ZNF839: variants seen among roughly 807,000 people sequenced by gnomAD.
ZNF839 encodes zinc finger protein 839, also known as renal carcinoma antigen NY-REN-50.
In ZNF839, 38 loss-of-function variants were observed where a neutral mutation model predicts 56.4. The ratio of observed to expected loss-of-function variants is 0.67; its 90% CI spans 0.52 to 0.88. ZNF839 has a LOEUF of 0.88. Among genes scored for constraint, ZNF839 ranks in the 40% least tolerant of loss-of-function variants. The probability of loss-of-function intolerance (pLI) is 0.00; values close to 1 mark genes in which losing one functional copy is unlikely to be tolerated. For synonymous variants in ZNF839, 486 were observed against 493.5 expected (o/e 0.98, Z 0.20); for missense variants, 1,091 against 1,177.6 (o/e 0.93, Z 1.08).
At position 102,334,643 on chromosome 14, in the gene ZNF839, G is replaced by C; in HGVS notation, c.1506G>C (p.Met502Ile). The C allele has an allele frequency of 6.2e-7, 1 of 1,604,402 alleles. No homozygotes were observed. The highest frequency in any genetic ancestry group is 8.5e-7 in the Non-Finnish European group (1 of 1,172,202). The stretch of plus-strand genomic sequence containing the variant: ...TGACCGTGTATGAGTTTCTTCTGAT[G>C]AAGGTGAGTACTCTTAGTGTTTCTA... ...QVVTVYEFLL[M>I]KVEKDHLAKP... is the part of the protein sequence containing the mutation. The change falls in exon 4 of 8, where the codon ATG becomes ATC. Residue 502 changes from methionine to isoleucine, a missense_variant. This residue lies in a region of ZNF839 where 46 missense variants were observed against 80.4 expected (regional missense o/e 0.57). Coordinates refer to ENST00000442396, the MANE Select transcript of ZNF839 (RefSeq NM_018335.6).
chr14:102,321,579 C>A (rs938187562), intron 1 of ZNF839, among the ~76,000 whole-genome samples: 1 of 152,204 alleles, frequency 6.6e-6, no homozygotes, highest in Non-Finnish European at 1.5e-5. Context: ...ACTCTTTCAG[C>A]CCCAGCTGTG....
intron 7 of ZNF839, 34 bp from the exon 8 acceptor site, chr14:102,341,289 C>T (rs776918666): frequency 6.6e-7 from 1 of 1,513,020 alleles, no homozygotes; most frequent in Non-Finnish European, 8.8e-7. Flanking sequence ...TGACACAGTA[C>T]ACGCCATGTT....
intron 2 of ZNF839, among the ~76,000 whole-genome samples, chr14:102,331,060 T>C (rs2073754918): frequency 6.6e-6 from 1 of 152,162 alleles, no homozygotes; most frequent in Admixed American, 6.5e-5. Flanking sequence ...AATTAGATAG[T>C]GGTTATGGTT....
intron 4 of ZNF839, 68 bp from the exon 5 acceptor site, chr14:102,335,621 T>G: frequency 6.8e-7 from 1 of 1,481,114 alleles, no homozygotes; most frequent in Non-Finnish European, 9.0e-7. Context: ...TTGTTTAGAT[T>G]TTCTTCTGTA....
chr14:102,319,703 G>T (rs1349975412), upstream of ZNF839: 1 of 1,221,374 alleles, frequency 8.2e-7, no homozygotes, highest in African/African-American at 1.6e-5. This position sits in a 1 kb window ranked among gnomAD's most constrained non-coding sequence, Gnocchi z 4.5. Flanking sequence ...CCCTCTCCTA[G>T]GTGACGTACA....
In ZNF839 at chr14:102,335,718, T is replaced by C. The variant is rs1247006394; in HGVS notation, c.1539T>C (p.Phe513=). 2.5e-6 allele frequency: 4 copies of C among 1,598,110 alleles called. No individual in the cohort carries two copies. In the East Asian group the frequency reaches 6.7e-5, roughly 27 times the overall value. The part of the protein sequence containing the change: ...KVEKDHLAKP[F]FPAIYKEFEE... ...AAAAAGATCATCTAGCAAAGCCTTT[T>C]TTCCCAGCTATATATAAGGAATTTG... Residue 513 remains phenylalanine (F), a synonymous_variant, in exon 5 of 8, where the codon TTT becomes TTC. Coordinates refer to ENST00000442396, the MANE Select transcript of ZNF839 (RefSeq NM_018335.6).
chr14:102,326,809 G>T lies in ZNF839; in HGVS notation c.1113G>T (p.Gly371=). 6.2e-7 allele frequency: 1 copy of T among 1,611,732 alleles called. No individual in the cohort carries two copies. The highest frequency in any genetic ancestry group is 8.5e-7 in the Non-Finnish European group (1 of 1,179,034). The change falls in exon 2 of 8, where the codon GGG becomes GGT. Residue 371 remains glycine (G), a synonymous_variant. Coordinates refer to ENST00000442396, the MANE Select transcript of ZNF839 (RefSeq NM_018335.6). This position sits in a 1 kb window ranked among gnomAD's most constrained non-coding sequence, Gnocchi z 4.3. The part of the protein sequence containing the change: ...EERTLSLTSL[G]LSMPADPCEG... ...GGACGCTCAGCCTGACCTCCCTGGG[G>T]CTGTCCATGCCAGCGGATCCATGTG... is the stretch of plus-strand genomic sequence containing the variant.
At chr14:102,336,643 A>C (rs1447356257) in intron 5 of ZNF839, 1 of 437,600 alleles carries the variant, frequency 2.3e-6, no homozygotes, top group Non-Finnish European at 4.5e-6. Flanking sequence ...AGAAAACTCA[A>C]AAATGAAGAT....
chr14:102,328,701 A>G (rs1481489973), intron 2 of ZNF839, among the ~76,000 whole-genome samples: 7 of 151,694 alleles, frequency 4.6e-5, no homozygotes, highest in East Asian at 1.9e-4. Context: ...GATCTTGACT[A>G]CTCTAATTTC....
chr14:102,325,184 GTC>G (rs2073345673), intron 1 of ZNF839, among the ~76,000 whole-genome samples: 1 of 151,788 alleles, frequency 6.6e-6, no homozygotes, highest in South Asian at 2.1e-4. Flanking sequence ...GGTGAAACCC[GTC>G]TCTACCAAAA....
At chr14:102,319,207 C>T (rs1949254388), upstream of ZNF839, 1 of 152,152 alleles carries the variant, frequency 6.6e-6, no homozygotes, top group Admixed American at 6.5e-5. The surrounding 1 kb of genome is among the most constrained non-coding windows in gnomAD (Gnocchi z 4.5). Flanking sequence ...TGCTGGGCAC[C>T]GATTGTGTAA....
Position 102,335,808 on chromosome 14 carries a change from C to T in ZNF839, c.1629C>T (p.Ser543=). ...QDYLSSSGLC[S]QETLEINNDK... ...ACCTCAGTAGTTCTGGTCTGTGTTCCCAGGAGACCCTGGAAATAAACAATG... is the reference window on the plus strand; with the variant it reads ...ACCTCAGTAGTTCTGGTCTGTGTTCTCAGGAGACCCTGGAAATAAACAATG... Residue 543 remains serine (S), a synonymous_variant, in exon 5 of 8, where the codon TCC becomes TCT. Coordinates refer to ENST00000442396, the MANE Select transcript of ZNF839 (RefSeq NM_018335.6). The T allele has an allele frequency of 1.2e-6, 2 of 1,609,470 alleles. No homozygotes were observed. The highest frequency in any genetic ancestry group is 1.7e-6 in the Non-Finnish European group (2 of 1,179,798).
chr14:102,341,068 C>CAAAAAAAAAAA (rs60659700), intron 7 of ZNF839: 1 of 82,616 alleles, frequency 1.2e-5, no homozygotes. Context: ...GACTCCATCT[C>CAAAAAAAAAAA]AAAAAAAAAA....
chr14:102,326,118 T>C lies in ZNF839; in HGVS notation c.422T>C (p.Val141Ala). The change falls in exon 2 of 8, where the codon GTG (valine) becomes GCG (alanine). Residue 141 changes from valine (V) to alanine (A), a missense_variant. Physicochemically the swap from Val to Ala is moderately conservative, Grantham distance 64. Coordinates refer to ENST00000442396, the MANE Select transcript of ZNF839 (RefSeq NM_018335.6). This position sits in a 1 kb window ranked among gnomAD's most constrained non-coding sequence, Gnocchi z 4.3. ...SQLPRGNSCL[V>A]GLHIASPQLL... ...CTGCCCCGGGGGAATTCCTGCCTGG[T>C]GGGGCTCCATATCGCCAGCCCTCAG... 1 of 1,613,900 alleles carries C rather than the reference T, an allele frequency of 6.2e-7. No homozygotes were observed. The highest frequency in any genetic ancestry group is 1.3e-5 in the African/African-American group (1 of 75,036).
chr14:102,319,905 A>G lies in ZNF839; in HGVS notation c.140A>G (p.Gln47Arg). Residue 47 changes from glutamine (Q) to arginine (R), a missense_variant, in exon 1 of 8, where the codon CAG becomes CGG. This residue lies in a region of ZNF839 where 614 missense variants were observed against 629.2 expected (regional missense o/e 0.98). Coordinates refer to ENST00000442396, the MANE Select transcript of ZNF839 (RefSeq NM_018335.6). This position sits in a 1 kb window ranked among gnomAD's most constrained non-coding sequence, Gnocchi z 4.5. ...GPEQLRQVLEQVTKAQPPPPP... is the reference protein window; with the variant it reads ...GPEQLRQVLERVTKAQPPPPP... ...GAGCAGCTGCGGCAGGTCCTGGAGC[A>G]GGTGACGAAGGCGCAGCCGCCGCCG... 1 of 1,145,048 alleles carries G rather than the reference A, an allele frequency of 8.7e-7. No homozygotes were observed. The highest frequency in any genetic ancestry group is 1.1e-6 in the Non-Finnish European group (1 of 925,238). The allele number at this position is 1,145,048 out of a possible 1,614,324, so 70.9% of individuals were successfully genotyped here. A position where few individuals can be genotyped will look rare whatever the true frequency, so the allele number is the denominator to read the frequency against.
At chr14:102,340,042 G>A (rs1022195694) in intron 7 of ZNF839, among the ~76,000 whole-genome samples, 1 of 142,134 alleles carries the variant, frequency 7.0e-6, no homozygotes, top group Non-Finnish European at 1.5e-5. Context: ...GCACAATCTC[G>A]GCTCACTGCA....
In ZNF839 at chr14:102,326,072, C is replaced by T. The variant is rs1382186905; in HGVS notation, c.376C>T (p.Gln126Ter). 6.2e-7 allele frequency: 1 copy of T among 1,613,872 alleles called. No homozygotes were observed. The change falls in exon 2 of 8, where the codon CAA becomes TAA. Residue 126 changes from glutamine to a stop codon, truncating the protein, a stop_gained. Coordinates refer to ENST00000442396, the MANE Select transcript of ZNF839 (RefSeq NM_018335.6). LOFTEE classifies it high-confidence loss of function. The surrounding 1 kb of genome is among the most constrained non-coding windows in gnomAD (Gnocchi z 4.3). ...PMLLPTTIQP[Q>*]TARKSQLPRG... ...GCTCCTACCGACCACAATCCAGCCC[C>T]AAACTGCAAGAAAGAGCCAGCTGCC...
intron 1 of ZNF839, among the ~76,000 whole-genome samples, chr14:102,321,561 C>G (rs1597705951): frequency 6.6e-6 from 1 of 152,220 alleles, no homozygotes; most frequent in Admixed American, 6.5e-5. Flanking sequence ...GCAGCACATT[C>G]TTTTAATACT....
At chr14:102,327,899 G>T (rs535278859) in intron 2 of ZNF839, among the ~76,000 whole-genome samples, 5 of 126,776 alleles carry the variant, frequency 3.9e-5, no homozygotes, top group Non-Finnish European at 7.6e-5. Context: ...TGCCATTACA[G>T]AGGGTGTTGA....
Sources: allele counts gnomAD v4.1 joint callset (sites outside exome capture counted in the v4.1 genomes callset), GRCh38; gene constraint gnomAD v4.1.1; regional missense constraint gnomAD v4.1.1; non-coding constraint Gnocchi (gnomAD v3.1); transcripts MANE v1.5; gene names NCBI Gene and HGNC (gene_info 2026-07-23, HGNC 2026-07-21).